Variants in SGCG observed in about 807,000 individuals in gnomAD.
SGCG encodes sarcoglycan gamma.
Under a neutral mutation model 29.3 loss-of-function variants are expected in SGCG, and 26 were observed. That is an observed-to-expected ratio of 0.89 (90% CI 0.65 to 1.23). SGCG has a LOEUF of 1.23. Ranked by LOEUF, SGCG falls within the 50% of genes most tolerant of loss-of-function variation. The pLI is 0.00. For missense variants in SGCG, 353 were observed against 356.0 expected, an observed-to-expected ratio of 0.99 and a Z score of 0.07; for synonymous variants, 145 against 129.7, an observed-to-expected ratio of 1.12 and a Z score of -0.80.
In SGCG at chr13:23,201,024, A is replaced by T. The variant is rs77183966; in HGVS notation, c.1-2671A>T. On this transcript the variant is annotated intron_variant, in intron 1 of 7. Transcript: ENST00000218867. ...GGAAGGTTTGTTGCAGAGGTGGGGC[A>T]TGAGCCGATGCATGTTTTGAAAGGA... Among the ~76,000 whole-genome samples the T allele has an allele frequency of 1.1e-4, 17 of 152,280 alleles. No individual in the cohort carries two copies. In the East Asian group the frequency reaches 2.9e-3, roughly 26 times the overall value.
chr13:23,304,775 T>A (rs868324686), intron 6 of SGCG, among the ~76,000 whole-genome samples: 1 of 152,266 alleles, frequency 6.6e-6, no homozygotes, highest in Middle Eastern at 3.4e-3. Flanking sequence ...GGCTAATTTT[T>A]GTATTTTGTT....
chr13:23,258,200 G>A (rs1880274901), intron 4 of SGCG, among the ~76,000 whole-genome samples: 1 of 152,128 alleles, frequency 6.6e-6, no homozygotes, highest in Admixed American at 6.5e-5. Flanking sequence ...TCTTCCATTT[G>A]TTTGTGTCCT....
chr13:23,231,593 CTTTG>C (rs1879117089), intron 2 of SGCG, among the ~76,000 whole-genome samples: 1 of 152,036 alleles, frequency 6.6e-6, no homozygotes, highest in South Asian at 2.1e-4. Context: ...TGAAATTCTG[CTTTG>C]TTTAACTCTA....
chr13:23,302,512 A>G, intron 6 of SGCG, among the ~76,000 whole-genome samples: 1 of 152,082 alleles, frequency 6.6e-6, no homozygotes. Flanking sequence ...AGAGAATTTC[A>G]GATGTTCCCA....
At chr13:23,220,175 G>T (rs1303864994) in intron 2 of SGCG, among the ~76,000 whole-genome samples, 1 of 152,062 alleles carries the variant, frequency 6.6e-6, no homozygotes, top group African/African-American at 2.4e-5. Flanking sequence ...GAATATGGCT[G>T]GGCGCAGTGG....
At chr13:23,276,643 G>T (rs1029142084) in intron 4 of SGCG, among the ~76,000 whole-genome samples, 2 of 152,154 alleles carry the variant, frequency 1.3e-5, no homozygotes, top group Admixed American at 1.3e-4. Flanking sequence ...GTGTTGCCCA[G>T]GTTGTCGCGA....
upstream of SGCG, among the ~76,000 whole-genome samples, chr13:23,176,907 A>G (rs1325213245): frequency 6.6e-6 from 1 of 152,194 alleles, no homozygotes; most frequent in African/African-American, 2.4e-5. Context: ...TATGTCAAAG[A>G]AACATCTGCA....
rs1593115099 is a variant in SGCG at position 23,324,483 on chromosome 13, A to G, written c.818A>G (p.Tyr273Cys). The change falls in exon 8 of 8, where the codon TAC (tyrosine) becomes TGC (cysteine). Residue 273 changes from tyrosine to cysteine, a missense_variant. Transcript: ENST00000218867. ...TGTGTGTGTCCAGATGGGAAGCTGTACCTGTCTGTGGCCGGTGTGAGCACC... is the reference window on the plus strand; with the variant it reads ...TGTGTGTGTCCAGATGGGAAGCTGTGCCTGTCTGTGGCCGGTGTGAGCACC... ...EICVCPDGKL[Y>C]LSVAGVSTTC... is the part of the protein sequence containing the mutation. The G allele has an allele frequency of 6.2e-7, 1 of 1,613,446 alleles. No individual in the cohort carries two copies.
intron 1 of SGCG, among the ~76,000 whole-genome samples, chr13:23,194,272 G>C (rs189757635): frequency 1.3e-5 from 2 of 152,332 alleles, no homozygotes. Context: ...TTGGTAGAAG[G>C]TGTTCTTACT....
chr13:23,300,472 C>T (rs7328077), intron 6 of SGCG, among the ~76,000 whole-genome samples: 84,613 of 151,876 alleles, frequency 0.56, 24,626 homozygotes, highest in East Asian at 0.84. Context: ...GAGAAACCTC[C>T]GAAATCCTGA....
intron 1 of SGCG, among the ~76,000 whole-genome samples, chr13:23,185,818 G>A (rs1876948382): frequency 6.6e-6 from 1 of 152,208 alleles, no homozygotes; most frequent in Non-Finnish European, 1.5e-5. Flanking sequence ...GCATTCTGAA[G>A]TCATTCTCGT....
At chr13:23,232,910 CAGAAAATACCA>C (rs886915578) in intron 2 of SGCG, among the ~76,000 whole-genome samples, 3 of 152,126 alleles carry the variant, frequency 2.0e-5, no homozygotes, top group African/African-American at 4.8e-5. Context: ...TGCTATCAAA[CAGAAAATACCA>C]AGTGTTAGGG....
At chr13:23,299,780 A>G (rs1882080940) in intron 6 of SGCG, among the ~76,000 whole-genome samples, 1 of 152,106 alleles carries the variant, frequency 6.6e-6, no homozygotes, top group Admixed American at 6.6e-5. Context: ...TGGCAAAATC[A>G]TTTGCAAGGA....
At chr13:23,192,080 C>A (rs1169860314) in intron 1 of SGCG, among the ~76,000 whole-genome samples, 1 of 150,718 alleles carries the variant, frequency 6.6e-6, no homozygotes, top group Non-Finnish European at 1.5e-5. Context: ...GAGGCTGAGG[C>A]TGCAGAATGA....
At chr13:23,204,681 T>C (rs897380099) in intron 2 of SGCG, among the ~76,000 whole-genome samples, 2 of 150,538 alleles carry the variant, frequency 1.3e-5, no homozygotes, top group African/African-American at 2.4e-5. Flanking sequence ...CCCTTCTTTC[T>C]CCTCTTTCTC....
the SGCG span, chr13:23,169,723 C>G: frequency 6.7e-6 from 1 of 148,176 alleles, no homozygotes; most frequent in Non-Finnish European, 1.5e-5. Flanking sequence ...CACACACACA[C>G]ACACACACAC....
chr13:23,172,646 A>G, the SGCG span, among the ~76,000 whole-genome samples: 1 of 152,206 alleles, frequency 6.6e-6, no homozygotes, highest in Non-Finnish European at 1.5e-5. Context: ...TATGGTTTAA[A>G]GTTAATGGTT....
At chr13:23,273,813 A>G (rs1880958892) in intron 4 of SGCG, among the ~76,000 whole-genome samples, 1 of 152,184 alleles carries the variant, frequency 6.6e-6, no homozygotes, top group Admixed American at 6.5e-5. Context: ...GTTTCAGTGA[A>G]TGTGCCCCGG....
chr13:23,241,973 T>A (rs1397746919), intron 3 of SGCG, among the ~76,000 whole-genome samples: 1 of 152,214 alleles, frequency 6.6e-6, no homozygotes, highest in African/African-American at 2.4e-5. Context: ...TAGAGGAAAT[T>A]AATGAAACCA....
Sources: gnomAD v4.1 joint callset for allele counts (sites outside exome capture counted in the v4.1 genomes callset) on GRCh38, gnomAD v4.1.1 for gene constraint, MANE v1.5 for transcripts, NCBI Gene and HGNC (gene_info 2026-07-23, HGNC 2026-07-21) for gene names.